Variants in TSPAN18 observed in about 807,000 individuals in gnomAD.
The protein encoded by TSPAN18 is tetraspanin-18.
Under a neutral mutation model 27.3 loss-of-function variants are expected in TSPAN18, and 14 were observed. That is an observed-to-expected ratio of 0.51 (90% CI 0.34 to 0.80). The LOEUF (loss-of-function observed/expected upper bound fraction) is 0.80. Among genes scored for constraint, TSPAN18 ranks in the 30% least tolerant of loss-of-function variants. The pLI is 0.01. For synonymous variants in TSPAN18, 143 were observed against 136.5 expected, an observed-to-expected ratio of 1.05 and a Z score of -0.33; for missense variants, 268 against 323.9, an observed-to-expected ratio of 0.83 and a Z score of 1.32.
At chr11:44,893,729 C>T (rs1000760476) in intron 3 of TSPAN18, among the ~76,000 whole-genome samples, 2 of 152,226 alleles carry the variant, frequency 1.3e-5, no homozygotes, top group African/African-American at 4.8e-5. Context: ...ATGATAATAT[C>T]GTCTACTTTG....
intron 2 of TSPAN18, among the ~76,000 whole-genome samples, chr11:44,767,405 G>A (rs1855592350): frequency 6.6e-6 from 1 of 152,222 alleles, no homozygotes; most frequent in African/African-American, 2.4e-5. Context: ...CTAGCCCAAG[G>A]ACAGTGTTTG....
At chr11:44,850,327 G>T (rs1385148853) in intron 2 of TSPAN18, among the ~76,000 whole-genome samples, 1 of 152,172 alleles carries the variant, frequency 6.6e-6, no homozygotes, top group Non-Finnish European at 1.5e-5. Context: ...GAGAACCGAT[G>T]ACAATTCCGT....
chr11:44,913,825 T>TCCCA (rs1415913418), intron 5 of TSPAN18, among the ~76,000 whole-genome samples: 12 of 152,336 alleles, frequency 7.9e-5, no homozygotes, highest in Non-Finnish European at 1.5e-4. Context: ...CTTAGGCAAA[T>TCCCA]GGGATGCAAA....
intron 2 of TSPAN18, among the ~76,000 whole-genome samples, chr11:44,817,191 C>T (rs949399558): frequency 6.6e-6 from 1 of 152,250 alleles, no homozygotes; most frequent in African/African-American, 2.4e-5. Flanking sequence ...TCCTGGGTTC[C>T]AGCTCTGGCT....
intron 5 of TSPAN18, among the ~76,000 whole-genome samples, chr11:44,913,233 C>CA (rs947376939): frequency 9.2e-5 from 14 of 152,320 alleles, no homozygotes; most frequent in African/African-American, 2.4e-4. Flanking sequence ...CAAAGGTTCA[C>CA]AAAGCAAGGA....
Position 44,929,116 on chromosome 11 carries a change from T to G in TSPAN18, c.700-15T>G. The G allele has an allele frequency of 6.2e-7, 1 of 1,613,214 alleles. No individual in the cohort carries two copies. The highest frequency in any genetic ancestry group is 8.5e-7 in the Non-Finnish European group (1 of 1,180,018). On this transcript the variant is annotated splice_polypyrimidine_tract_variant and intron_variant, in intron 9 of 9. Coordinates refer to ENST00000520358, the MANE Select transcript of TSPAN18 (RefSeq NM_130783.5). ...GCCTGATAAGCCAGTTCCTGCTCTT[T>G]TTCTTTTTTTGCAGCTTTTCGCCAT...
At chr11:44,860,256 A>G (rs1857842527) in intron 2 of TSPAN18, 72 bp from the exon 3 acceptor site, 1 of 152,060 alleles carries the variant, frequency 6.6e-6, no homozygotes. Context: ...GGGCCAGGAG[A>G]GCCTTTCAAA....
chr11:44,876,001 C>T (rs962022396), intron 3 of TSPAN18, among the ~76,000 whole-genome samples: 2 of 152,196 alleles, frequency 1.3e-5, no homozygotes, highest in African/African-American at 4.8e-5. Context: ...GGAGCCAGGC[C>T]TCCAACCAAC....
At chr11:44,879,481 A>G (rs1417683941) in intron 3 of TSPAN18, among the ~76,000 whole-genome samples, 2 of 152,224 alleles carry the variant, frequency 1.3e-5, no homozygotes, top group African/African-American at 4.8e-5. Context: ...GGCTTAGGGA[A>G]GGTCTCTGTC....
intron 3 of TSPAN18, chr11:44,885,963 G>C (rs1294516464): frequency 1.3e-5 from 2 of 152,306 alleles, no homozygotes; most frequent in Non-Finnish European, 2.9e-5. Context: ...CCTGTGGGGT[G>C]AGGCCTGGGA....
intron 8 of TSPAN18, among the ~76,000 whole-genome samples, chr11:44,925,304 CCA>C (rs1379939355): frequency 6.6e-6 from 1 of 152,230 alleles, no homozygotes; most frequent in Non-Finnish European, 1.5e-5. Context: ...ATCTGCATTG[CCA>C]ACCACTTCCC....
intron 2 of TSPAN18, among the ~76,000 whole-genome samples, chr11:44,849,229 CAGG>C (rs1485309589): frequency 6.6e-6 from 1 of 152,112 alleles, no homozygotes; most frequent in Non-Finnish European, 1.5e-5. Flanking sequence ...AGTCCCGTGC[CAGG>C]AGGGACTGTG....
intron 1 of TSPAN18, among the ~76,000 whole-genome samples, chr11:44,761,147 C>A (rs1280319668): frequency 1.3e-5 from 2 of 152,162 alleles, no homozygotes; most frequent in Non-Finnish European, 2.9e-5. Context: ...TGTGCCACCC[C>A]AAACATTCGG....
At chr11:44,911,905 G>A (rs1859731160) in intron 5 of TSPAN18, among the ~76,000 whole-genome samples, 2 of 150,836 alleles carry the variant, frequency 1.3e-5, no homozygotes, top group Admixed American at 1.3e-4. Context: ...CTTCGACAAG[G>A]CCTGATGGCA....
chr11:44,909,511 C>A (rs1859627442), intron 4 of TSPAN18, 194 bp from the exon 5 acceptor site: 2 of 577,384 alleles, frequency 3.5e-6, no homozygotes, highest in Admixed American at 6.5e-5. Context: ...AAGGTCACGG[C>A]AGCTAGAAAA....
At chr11:44,747,417 A>G (rs931999391) in intron 1 of TSPAN18, among the ~76,000 whole-genome samples, 3 of 152,206 alleles carry the variant, frequency 2.0e-5, no homozygotes, top group African/African-American at 7.2e-5. Context: ...GCTTATCTGG[A>G]AAATGGGCGT....
intron 2 of TSPAN18, among the ~76,000 whole-genome samples, chr11:44,812,794 G>A (rs1336035342): frequency 6.6e-6 from 1 of 152,270 alleles, no homozygotes; most frequent in South Asian, 2.1e-4. Context: ...GGGGTGCCAC[G>A]GGCTGCCCTC....
chr11:44,863,216 CGGACGTTA>C (rs1347558474), intron 3 of TSPAN18, among the ~76,000 whole-genome samples: 2 of 152,182 alleles, frequency 1.3e-5, no homozygotes, highest in African/African-American at 2.4e-5. Context: ...AGGCCAGTTT[CGGACGTTA>C]GAAAGGACAT....
intron 5 of TSPAN18, among the ~76,000 whole-genome samples, chr11:44,910,391 A>G (rs1251741472): frequency 6.6e-6 from 1 of 152,100 alleles, no homozygotes; most frequent in Non-Finnish European, 1.5e-5. Context: ...AGCCTTTTCC[A>G]TCTGCCTTGG....
Sources: gnomAD v4.1 joint callset for allele counts (sites outside exome capture counted in the v4.1 genomes callset) on GRCh38, gnomAD v4.1.1 for gene constraint, MANE v1.5 for transcripts, NCBI Gene and HGNC (gene_info 2026-07-23, HGNC 2026-07-21) for gene names.